CDKL2: variants seen among roughly 807,000 people sequenced by gnomAD.
CDKL2 encodes the protein cyclin dependent kinase like 2.
Under a neutral mutation model 63.9 loss-of-function variants are expected in CDKL2, and 64 were observed. The observed-to-expected ratio is 1.00, with a 90% confidence interval of 0.82 to 1.23. The LOEUF is 1.23. CDKL2 is among the 50% of genes most tolerant of loss of function. The pLI, the probability that CDKL2 is intolerant of heterozygous loss-of-function variation, is 0.00. For synonymous variants in CDKL2, 211 were observed against 229.2 expected (o/e 0.92, Z 0.72); for missense variants, 656 against 668.0 (o/e 0.98, Z 0.20).
intron 12 of CDKL2, among the ~76,000 whole-genome samples, chr4:75,588,588 A>G (rs1245258198): frequency 6.6e-6 from 1 of 152,212 alleles, no homozygotes; most frequent in Non-Finnish European, 1.5e-5. Context: ...TGGATTCACA[A>G]TTAGAGGTAT....
chr4:75,614,963 T>C (rs1199158511), intron 2 of CDKL2, among the ~76,000 whole-genome samples: 5 of 148,976 alleles, frequency 3.4e-5, no homozygotes, highest in Admixed American at 6.7e-5. Flanking sequence ...ATATACACTA[T>C]ATATATATGA....
intron 2 of CDKL2, among the ~76,000 whole-genome samples, chr4:75,616,700 CAAAA>C (rs765649411): frequency 1.6e-4 from 11 of 70,432 alleles, no homozygotes; most frequent in Non-Finnish European, 2.5e-4. Context: ...ACTCCATCTC[CAAAA>C]AAAAAAAAAA....
chr4:75,605,491 T>C (rs1461113350), intron 5 of CDKL2, 31 bp downstream of exon 5: 2 of 1,328,822 alleles, frequency 1.5e-6, no homozygotes, highest in Non-Finnish European at 2.1e-6. Flanking sequence ...GAAAAATCTC[T>C]AAAATTTAAA....
chr4:75,615,668 C>A (rs1294411485), intron 2 of CDKL2, among the ~76,000 whole-genome samples: 1 of 152,160 alleles, frequency 6.6e-6, no homozygotes, highest in Non-Finnish European at 1.5e-5. Context: ...CAACAATGCA[C>A]AAATGATATA....
chr4:75,599,387 C>A (rs1267972142), intron 7 of CDKL2, among the ~76,000 whole-genome samples: 1 of 151,896 alleles, frequency 6.6e-6, no homozygotes, highest in Non-Finnish European at 1.5e-5. Flanking sequence ...CACAGAGAAA[C>A]CCCATCTCTA....
Position 75,600,275 on chromosome 4 carries a change from C to T in CDKL2, c.884+6G>A. ...ATGGCCTGAAAAACATGGGTAAGTA[C>T]TATACCTCTCAGCAAATCCATCCAT... On this transcript the variant is annotated splice_donor_region_variant and intron_variant, in intron 7 of 13. Coordinates refer to ENST00000307465, the MANE Select transcript of CDKL2 (RefSeq NM_001330724.2). 1 of 1,600,266 alleles carries T rather than the reference C, an allele frequency of 6.2e-7. No individual in the cohort carries two copies. Among genetic ancestry groups the T allele is most frequent in the Non-Finnish European group, 8.6e-7 (1 of 1,168,256 alleles).
In CDKL2 at chr4:75,578,100, C is replaced by T. The variant is rs537749463; in HGVS notation, c.*1102G>A. On this transcript the variant is annotated 3_prime_UTR_variant, in exon 14 of 14. Transcript: ENST00000307465. The stretch of plus-strand genomic sequence containing the variant: ...AACCCAGAAATCAAGAACCTGTAGC[C>T]AACTTAGTTTATTCCTCCCACCTAA... 6.6e-5 allele frequency: 10 copies of T among 152,036 alleles called. No individual in the cohort carries two copies. The East Asian group carries it at 1.9e-3, about 29-fold the overall frequency. The allele number at this position is 152,036 out of a possible 1,614,324, so 9.4% of individuals were successfully genotyped here. A position where few individuals can be genotyped will look rare whatever the true frequency, so the allele number is the denominator to read the frequency against.
At chr4:75,625,790 A>AT in intron 2 of CDKL2, 31 bp downstream of exon 2, 2 of 1,535,852 alleles carry the variant, frequency 1.3e-6, no homozygotes, top group South Asian at 1.2e-5. Context: ...TTATACTCAT[A>AT]TTTTTTGATT....
chr4:75,610,637 A>G (rs1402539589), intron 3 of CDKL2, among the ~76,000 whole-genome samples: 2 of 152,212 alleles, frequency 1.3e-5, no homozygotes, highest in Non-Finnish European at 1.5e-5. Context: ...ATGGGCAGCA[A>G]TCTTAAATTT....
chr4:75,590,164 C>T (rs1245251185), intron 12 of CDKL2, among the ~76,000 whole-genome samples: 1 of 151,808 alleles, frequency 6.6e-6, no homozygotes, highest in Non-Finnish European at 1.5e-5. Context: ...AAAACCCTGT[C>T]TCAAAAAAAA....
At chr4:75,604,416 T>C (rs2148887378) in intron 5 of CDKL2, among the ~76,000 whole-genome samples, 1 of 152,354 alleles carries the variant, frequency 6.6e-6, no homozygotes, top group Non-Finnish European at 1.5e-5. Flanking sequence ...AAAATTCCAC[T>C]GTAAGAAACT....
At chr4:75,605,770 T>C (rs1729400922) in intron 4 of CDKL2, 136 bp from the exon 5 acceptor site, 1 of 608,938 alleles carries the variant, frequency 1.6e-6, no homozygotes, top group Non-Finnish European at 3.0e-6. Context: ...AGATTTGGCA[T>C]GCTCCAATGG....
At chr4:75,625,779 C>A in intron 2 of CDKL2, 42 bp downstream of exon 2, 1 of 1,464,248 alleles carries the variant, frequency 6.8e-7, no homozygotes, top group South Asian at 1.2e-5. Context: ...AAAAAAGAAA[C>A]TTATACTCAT....
At chr4:75,625,797 G>T (rs373081787) in intron 2 of CDKL2, 24 bp downstream of exon 2, 49 of 1,547,112 alleles carry the variant, frequency 3.2e-5, no homozygotes, top group Middle Eastern at 3.5e-4. Context: ...CATATTTTTT[G>T]ATTCAATATA....
At position 75,592,253 on chromosome 4, in the gene CDKL2, T is replaced by C. The variant is rs1415374770; in HGVS notation, c.1433A>G (p.Asn478Ser). 6.5e-7 allele frequency: 1 copy of C among 1,531,236 alleles called. No homozygotes were observed. The highest frequency in any genetic ancestry group is 2.4e-5 in the East Asian group (1 of 40,820). The allele number at this position is 1,531,236 out of a possible 1,614,324, so 94.9% of individuals were successfully genotyped here. Residue 478 changes from asparagine (N) to serine (S), a missense_variant, in exon 11 of 14, where the codon AAC becomes AGC. Coordinates refer to ENST00000307465, the MANE Select transcript of CDKL2 (RefSeq NM_001330724.2). ...NVTTLVSSEK[N>S]LFWASKKRRE... ...TCTTTTCTTACTTGCCCAAAAGAGG[T>C]TTTTTTCACTAGAGACCTAATATCA...
chr4:75,605,539 T>C lies in CDKL2; in HGVS notation c.638A>G (p.His213Arg), dbSNP rs757480539. The change falls in exon 5 of 14, where the codon CAT becomes CGT. Residue 213 changes from histidine to arginine, a missense_variant. Physicochemically the swap from His to Arg is conservative, Grantham distance 29. Transcript: ENST00000307465. ...AACCTTACCTAAACACATCATAATATGATATAGCTGATCAATATCAGAATC... is the reference window on the plus strand; with the variant it reads ...AACCTTACCTAAACACATCATAATACGATATAGCTGATCAATATCAGAATC... ...PGDSDIDQLY[H>R]IMMCLGNLIP... 1.1e-5 allele frequency: 17 copies of C among 1,599,918 alleles called. No individual in the cohort carries two copies. Among genetic ancestry groups the C allele is most frequent in the Non-Finnish European group, 1.5e-5 (17 of 1,167,520 alleles).
intron 6 of CDKL2, among the ~76,000 whole-genome samples, chr4:75,601,879 C>T (rs1393998712): frequency 6.6e-6 from 1 of 151,984 alleles, no homozygotes; most frequent in Admixed American, 6.6e-5. Context: ...AATTAAAAAA[C>T]AAAAAAATTG....
chr4:75,605,772 C>T (rs1305788337), intron 4 of CDKL2, 138 bp from the exon 5 acceptor site: 6 of 587,778 alleles, frequency 1.0e-5, no homozygotes, highest in Admixed American at 3.2e-5. Context: ...ATTTGGCATG[C>T]TCCAATGGTA....
chr4:75,605,682 C>A, intron 4 of CDKL2, 48 bp from the exon 5 acceptor site: 1 of 1,219,048 alleles, frequency 8.2e-7, no homozygotes, highest in Non-Finnish European at 1.2e-6. Flanking sequence ...TAATATGCTC[C>A]AAAACCCAAA....
Sources: gnomAD v4.1 joint callset for allele counts (sites outside exome capture counted in the v4.1 genomes callset) on GRCh38, gnomAD v4.1.1 for gene constraint, MANE v1.5 for transcripts, NCBI Gene and HGNC (gene_info 2026-07-23, HGNC 2026-07-21) for gene names.